CAMTA1: variants seen among roughly 807,000 people sequenced by gnomAD.
The protein encoded by CAMTA1 is calmodulin binding transcription activator 1.
In CAMTA1, 27 loss-of-function variants were observed where a neutral mutation model predicts 170.9. That is an observed-to-expected ratio of 0.16 (90% confidence interval 0.12 to 0.22). CAMTA1 has a LOEUF of 0.22. Ranked by LOEUF, CAMTA1 falls within the 10% of genes least tolerant of loss-of-function variation. The probability of loss-of-function intolerance (pLI) is 1.00; values close to 1 mark genes in which losing one functional copy is unlikely to be tolerated. For synonymous variants in CAMTA1, 833 were observed against 891.5 expected, an observed-to-expected ratio of 0.93 and a Z score of 1.17; for missense variants, 1,619 against 2,217.2, an observed-to-expected ratio of 0.73 and a Z score of 5.42.
At chr1:7,706,234 C>T (rs1558178846) in intron 11 of CAMTA1, among the ~76,000 whole-genome samples, 1 of 152,216 alleles carries the variant, frequency 6.6e-6, no homozygotes, top group East Asian at 1.9e-4. Context: ...CGGAAGCGGA[C>T]TCAGTAAACG....
intron 5 of CAMTA1, among the ~76,000 whole-genome samples, chr1:7,264,506 C>A (rs141627922): frequency 6.6e-6 from 1 of 152,126 alleles, no homozygotes; most frequent in Non-Finnish European, 1.5e-5. Context: ...AGGAAAGCCA[C>A]GTGTGTAGAG....
intron 3 of CAMTA1, among the ~76,000 whole-genome samples, chr1:6,996,689 A>G (rs1323212491): frequency 6.6e-6 from 1 of 151,226 alleles, no homozygotes; most frequent in Non-Finnish European, 1.5e-5. Context: ...ATTTAAAAAA[A>G]AAAGAAAGAA....
In CAMTA1 at chr1:7,561,197, G is replaced by A. The variant is rs1182563785; in HGVS notation, c.511-79203G>A. Among the ~76,000 whole-genome samples, 2 of 152,060 alleles carry A rather than the reference G, an allele frequency of 1.3e-5. No individual in the cohort carries two copies. The highest frequency in any genetic ancestry group is 2.9e-5 in the Non-Finnish European group (2 of 67,996). On this transcript the variant is annotated intron_variant, in intron 6 of 22. Transcript: ENST00000303635. This position sits in a 1 kb window ranked among gnomAD's most constrained non-coding sequence, Gnocchi z 5.3. The stretch of plus-strand genomic sequence containing the variant: ...GAAGGGCTCCCAGCAAACCACAGCC[G>A]ATCCAGGCAGGAAGAGCCCAACAGG...
At chr1:7,432,245 A>T (rs1447432205) in intron 5 of CAMTA1, among the ~76,000 whole-genome samples, 1 of 152,174 alleles carries the variant, frequency 6.6e-6, no homozygotes, top group Non-Finnish European at 1.5e-5. Flanking sequence ...TGAGCTAAAC[A>T]TAACATCCCT....
At chr1:6,830,767 C>A (rs1330653010) in intron 3 of CAMTA1, among the ~76,000 whole-genome samples, 1 of 152,062 alleles carries the variant, frequency 6.6e-6, no homozygotes, top group Non-Finnish European at 1.5e-5. Context: ...CAAGACACGG[C>A]ACATTTCTAT....
In CAMTA1 at chr1:7,678,968, C is replaced by G. The variant is rs552344647; in HGVS notation, c.2914+1235C>G. Among the ~76,000 whole-genome samples the G allele has an allele frequency of 2.6e-5, 4 of 152,224 alleles. No homozygotes were observed. The South Asian group carries it at 8.3e-4, about 32-fold the overall frequency. On this transcript the variant is annotated intron_variant, in intron 11 of 22. Transcript: ENST00000303635. ...GCCTTATCCCAGTCCCTGCCCCAGC[C>G]GAGAGAGAGGGTGCCGACAGCTGCC... is the stretch of plus-strand genomic sequence containing the variant.
chr1:7,295,695 T>G (rs1673826715), intron 5 of CAMTA1, among the ~76,000 whole-genome samples: 1 of 152,204 alleles, frequency 6.6e-6, no homozygotes, highest in African/African-American at 2.4e-5. Flanking sequence ...TCCTGAAGAT[T>G]CAAAAATGAA....
intron 6 of CAMTA1, among the ~76,000 whole-genome samples, chr1:7,469,899 T>C (rs1039122804): frequency 5.9e-5 from 9 of 152,120 alleles, no homozygotes; most frequent in Non-Finnish European, 1.3e-4. Context: ...AGGAGAGGGG[T>C]CCTGCTCTCT....
At chr1:7,338,668 G>A (rs375131544) in intron 5 of CAMTA1, among the ~76,000 whole-genome samples, 11 of 152,136 alleles carry the variant, frequency 7.2e-5, no homozygotes, top group African/African-American at 2.2e-4. Context: ...TGTGTGCCAC[G>A]AGAAAGAAAA....
intron 5 of CAMTA1, among the ~76,000 whole-genome samples, chr1:7,445,573 G>A (rs1351098512): frequency 6.6e-6 from 1 of 152,174 alleles, no homozygotes; most frequent in Non-Finnish European, 1.5e-5. Flanking sequence ...AGGCGGAGCT[G>A]GCCTGTGTCC....
intron 4 of CAMTA1, among the ~76,000 whole-genome samples, chr1:7,103,974 CACACAACACACAAGTACACACATGA>C (rs1643226912): frequency 6.6e-6 from 1 of 151,212 alleles, no homozygotes; most frequent in South Asian, 2.1e-4. Flanking sequence ...CACACACGCA[CACACAACACACAAGTACACACATGA>C]ACACAACACA....
At position 7,173,305 on chromosome 1, in the gene CAMTA1, C is replaced by T. The variant is rs1051781576; in HGVS notation, c.303-76186C>T. ...GAGCTGAAATGAACAGAAGGCAGAG[C>T]GGGGTGCAGGGCCTGGCCGTGACTG... On this transcript the variant is annotated intron_variant, in intron 4 of 22. Coordinates refer to ENST00000303635, the MANE Select transcript of CAMTA1 (RefSeq NM_015215.4). The surrounding 1 kb of genome is among the most constrained non-coding windows in gnomAD (Gnocchi z 5.4). Among the ~76,000 whole-genome samples, 7 of 152,166 alleles carry T rather than the reference C, an allele frequency of 4.6e-5. No homozygotes were observed. Among genetic ancestry groups the T allele is most frequent in the Admixed American group, 3.9e-4 (6 of 15,288 alleles).
At chr1:7,722,822 C>T (rs921450021) in intron 11 of CAMTA1, among the ~76,000 whole-genome samples, 2 of 151,932 alleles carry the variant, frequency 1.3e-5, no homozygotes, top group African/African-American at 4.8e-5. Flanking sequence ...GTGGCTCATG[C>T]CTGTAATTGC....
In CAMTA1 at chr1:6,952,430, C is replaced by CAAAAAA. The variant is rs34562557; in HGVS notation, c.234+127223_234+127228dup. 1.5e-4 allele frequency among the ~76,000 whole-genome samples: 2 copies of CAAAAAA among 13,118 alleles called. 1 individual carries two copies. Among genetic ancestry groups the CAAAAAA allele is most frequent in the Admixed American group, 1.4e-3 (2 of 1,428 alleles). The allele number at this position is 13,118 out of a possible 152,430, so 8.6% of individuals were successfully genotyped here. A position where few individuals can be genotyped will look rare whatever the true frequency, so the allele number is the denominator to read the frequency against. On this transcript the variant is annotated intron_variant, in intron 3 of 22. Transcript: ENST00000303635. ...TGGGGGACAGAGCGAGACTCTGTCT[C>CAAAAAA]AAAAAAAAGAAAAAAAAAAAAAAAA... is the stretch of plus-strand genomic sequence containing the variant.
chr1:6,984,014 G>T (rs1042016173), intron 3 of CAMTA1, among the ~76,000 whole-genome samples: 47 of 21,076 alleles, frequency 2.2e-3, no homozygotes, highest in African/African-American at 8.3e-3. Flanking sequence ...GGAGGGATGG[G>T]TGGTTGGGCA....
intron 6 of CAMTA1, among the ~76,000 whole-genome samples, chr1:7,613,500 G>A (rs984525849): frequency 3.3e-5 from 5 of 152,298 alleles, no homozygotes; most frequent in Middle Eastern, 6.8e-3. Flanking sequence ...AAAGATGCAC[G>A]GAGGCGCAGA....
intron 5 of CAMTA1, among the ~76,000 whole-genome samples, chr1:7,319,996 T>G (rs1678132643): frequency 6.6e-6 from 1 of 152,226 alleles, no homozygotes; most frequent in Non-Finnish European, 1.5e-5. Context: ...TCTAATAGCT[T>G]ATCTGCAGTA....
chr1:6,980,002 CA>C (rs1050629200), intron 3 of CAMTA1, among the ~76,000 whole-genome samples: 2 of 152,186 alleles, frequency 1.3e-5, no homozygotes, highest in African/African-American at 4.8e-5. Context: ...AACGCACCCC[CA>C]TCCCACCTGT....
At chr1:7,344,588 C>T (rs927965553) in intron 5 of CAMTA1, among the ~76,000 whole-genome samples, 1 of 152,088 alleles carries the variant, frequency 6.6e-6, no homozygotes, top group Non-Finnish European at 1.5e-5. Flanking sequence ...AGGGTCTCCA[C>T]CCTCTGCGCA....
Sources: allele counts gnomAD v4.1 joint callset (sites outside exome capture counted in the v4.1 genomes callset), GRCh38; gene constraint gnomAD v4.1.1; non-coding constraint Gnocchi (gnomAD v3.1); transcripts MANE v1.5; gene names NCBI Gene and HGNC (gene_info 2026-07-23, HGNC 2026-07-21).